The following STPG2 variants were observed in gnomAD, a reference collection of about 807,000 sequenced individuals.
STPG2 encodes the protein sperm tail PG-rich repeat containing 2, also known as sperm-tail PG-rich repeat-containing protein 2.
In STPG2, 56 loss-of-function variants were observed where a neutral mutation model predicts 54.2. The ratio of observed to expected loss-of-function variants is 1.03; its 90% confidence interval spans 0.83 to 1.29. STPG2 has a LOEUF of 1.29. Among genes scored for constraint, STPG2 ranks in the 50% most tolerant of loss-of-function variants. The probability of loss-of-function intolerance (pLI) is 0.00; values close to 1 mark genes in which losing one functional copy is unlikely to be tolerated. For synonymous variants in STPG2, 200 were observed against 181.8 expected (o/e 1.10, Z -0.81); for missense variants, 596 against 544.9 (o/e 1.09, Z -0.93).
At chr4:97,834,455 T>C (rs192074873) in intron 9 of STPG2, among the ~76,000 whole-genome samples, 1 of 152,218 alleles carries the variant, frequency 6.6e-6, no homozygotes, top group East Asian at 1.9e-4. Flanking sequence ...CAAGTATACC[T>C]ATGTAACAAA....
intron 8 of STPG2, among the ~76,000 whole-genome samples, chr4:97,887,362 C>A (rs1730616565): frequency 6.6e-6 from 1 of 152,126 alleles, no homozygotes. Flanking sequence ...TTGACAAGAT[C>A]TCAGATGGAG....
At chr4:97,817,765 CATTAAAAGGCAAGCCTA>C in intron 9 of STPG2, among the ~76,000 whole-genome samples, 1 of 151,948 alleles carries the variant, frequency 6.6e-6, no homozygotes, top group South Asian at 2.1e-4. Flanking sequence ...GCAACTCTTC[CATTAAAAGGCAAGCCTA>C]TTTAAAATTT....
At chr4:97,707,746 G>T (rs1254112685) in intron 10 of STPG2, among the ~76,000 whole-genome samples, 1 of 152,062 alleles carries the variant, frequency 6.6e-6, no homozygotes, top group Non-Finnish European at 1.5e-5. Context: ...AGGAAAGAAA[G>T]ATTGATGTGT....
At chr4:97,509,170 G>A (rs1042019467) in intron 4 of STPG2, among the ~76,000 whole-genome samples, 5 of 151,672 alleles carry the variant, frequency 3.3e-5, no homozygotes, top group Admixed American at 3.3e-4. Flanking sequence ...AACCTGGTCC[G>A]TTTCTGTCTT....
rs72894823 is a variant in STPG2 at position 97,965,971 on chromosome 4, T to C, written c.933+6309A>G. ...AGAGTGCCTCTTCTCCTCTAAAGGATTGCAGATCCTCAACAGCAACAAAAC... is the reference window on the plus strand; with the variant it reads ...AGAGTGCCTCTTCTCCTCTAAAGGACTGCAGATCCTCAACAGCAACAAAAC... On this transcript the variant is annotated intron_variant, in intron 7 of 10. Transcript: ENST00000295268. Among the ~76,000 whole-genome samples the C allele has an allele frequency of 2.6e-3, 403 of 152,232 alleles. 1 individual carries two copies. Among genetic ancestry groups the C allele is most frequent in the African/African-American group, 9.2e-3 (381 of 41,524 alleles).
intron 8 of STPG2, among the ~76,000 whole-genome samples, chr4:97,908,473 T>C (rs1329567809): frequency 6.6e-6 from 1 of 150,468 alleles, no homozygotes; most frequent in African/African-American, 2.5e-5. Flanking sequence ...CTCAGGGATC[T>C]AGAACTAGAA....
intron 4 of STPG2, among the ~76,000 whole-genome samples, chr4:97,516,667 TA>T (rs1281286750): frequency 6.6e-6 from 1 of 151,546 alleles, no homozygotes; most frequent in Non-Finnish European, 1.5e-5. Flanking sequence ...TTACTAAAAA[TA>T]CAAAAAAAAT....
chr4:97,598,653 CA>C (rs1192917719), intron 10 of STPG2, among the ~76,000 whole-genome samples: 1 of 151,464 alleles, frequency 6.6e-6, no homozygotes, highest in East Asian at 1.9e-4. Context: ...AAGAAGTTGA[CA>C]AAAACAAGCA....
chr4:97,834,684 T>C (rs1728579096), intron 9 of STPG2, among the ~76,000 whole-genome samples: 1 of 152,092 alleles, frequency 6.6e-6, no homozygotes, highest in African/African-American at 2.4e-5. Context: ...TCAGTTGTTT[T>C]CGAGTTTTTT....
At chr4:97,492,636 T>C (rs112292768) in intron 4 of STPG2, among the ~76,000 whole-genome samples, 7 of 138,296 alleles carry the variant, frequency 5.1e-5, no homozygotes, top group Non-Finnish European at 8.9e-5. Context: ...GCTCATTCAA[T>C]GATAAAAACT....
In STPG2 at chr4:97,566,622, G is replaced by A. The variant is rs571562152; in HGVS notation, c.1321-7505C>T. On this transcript the variant is annotated intron_variant, in intron 10 of 10. Transcript: ENST00000295268. Reference sequence around the variant, plus strand: ...GCACTATTCACAACAGCAAAGACTTGGAACCAACCCAAATGTCCAACAATG... The same window carrying A: ...GCACTATTCACAACAGCAAAGACTTAGAACCAACCCAAATGTCCAACAATG... 5.9e-5 allele frequency among the ~76,000 whole-genome samples: 9 copies of A among 152,170 alleles called. No homozygotes were observed. The South Asian group carries it at 1.9e-3, about 32-fold the overall frequency.
intron 10 of STPG2, among the ~76,000 whole-genome samples, chr4:97,671,692 T>C (rs2148969656): frequency 6.6e-6 from 1 of 152,292 alleles, no homozygotes. Flanking sequence ...TAAAGGAGGC[T>C]GAATCCTTGC....
chr4:98,083,083 C>T (rs1404299129), intron 5 of STPG2, among the ~76,000 whole-genome samples: 2 of 152,078 alleles, frequency 1.3e-5, no homozygotes, highest in African/African-American at 4.8e-5. Flanking sequence ...CCTATTTTGG[C>T]CTCTGTCTAC....
chr4:97,744,971 C>A (rs1315435195), intron 9 of STPG2, among the ~76,000 whole-genome samples: 2 of 151,246 alleles, frequency 1.3e-5, no homozygotes, highest in Non-Finnish European at 3.0e-5. Flanking sequence ...CACTGCAATG[C>A]TTTAAAAAGT....
At chr4:97,441,811 T>C (rs968059462) in intron 4 of STPG2, among the ~76,000 whole-genome samples, 7 of 152,064 alleles carry the variant, frequency 4.6e-5, no homozygotes, top group Non-Finnish European at 1.0e-4. Context: ...GTATATATTC[T>C]GCAATTGTTT....
chr4:97,588,689 G>T (rs979770640), intron 10 of STPG2, among the ~76,000 whole-genome samples: 1 of 151,914 alleles, frequency 6.6e-6, no homozygotes, highest in East Asian at 1.9e-4. Flanking sequence ...AAATTGACAG[G>T]GATATCCCTT....
At chr4:98,017,490 T>A (rs1735997269) in intron 5 of STPG2, among the ~76,000 whole-genome samples, 1 of 152,182 alleles carries the variant, frequency 6.6e-6, no homozygotes, top group Non-Finnish European at 1.5e-5. Context: ...TCCCAACACA[T>A]TTCTCTGCAC....
chr4:97,889,819 T>C (rs892030008), intron 8 of STPG2, among the ~76,000 whole-genome samples: 2 of 152,058 alleles, frequency 1.3e-5, no homozygotes, highest in Non-Finnish European at 2.9e-5. Context: ...GAGAGTGACA[T>C]ACAATATTTT....
intron 5 of STPG2, among the ~76,000 whole-genome samples, chr4:98,096,284 C>A (rs1366617235): frequency 6.6e-6 from 1 of 152,008 alleles, no homozygotes; most frequent in Non-Finnish European, 1.5e-5. Context: ...GTAGTCCCAG[C>A]TACTCAGGAA....
Sources: allele counts gnomAD v4.1 joint callset (sites outside exome capture counted in the v4.1 genomes callset), GRCh38; gene constraint gnomAD v4.1.1; transcripts MANE v1.5; gene names NCBI Gene and HGNC (gene_info 2026-07-23, HGNC 2026-07-21).